Variants in NCAM2 observed in about 807,000 individuals in gnomAD.
NCAM2 encodes the protein neural cell adhesion molecule 2.
In NCAM2, 30 loss-of-function variants were observed where a neutral mutation model predicts 98.1. The ratio of observed to expected loss-of-function variants is 0.31; its 90% CI spans 0.23 to 0.41. The LOEUF is 0.41. NCAM2 is among the 10% of genes least tolerant of loss of function. The pLI is 1.00. For synonymous variants in NCAM2, 368 were observed against 342.4 expected (o/e 1.07, Z -0.83); for missense variants, 867 against 1,005.8 (o/e 0.86, Z 1.87).
At chr21:21,482,227 G>A (rs1445943536) in intron 15 of NCAM2, among the ~76,000 whole-genome samples, 1 of 152,102 alleles carries the variant, frequency 6.6e-6, no homozygotes, top group Non-Finnish European at 1.5e-5. Flanking sequence ...TAGGTTTTGT[G>A]AGGCAATTTT....
At chr21:21,484,633 T>C (rs1351001427) in intron 15 of NCAM2, among the ~76,000 whole-genome samples, 1 of 152,178 alleles carries the variant, frequency 6.6e-6, no homozygotes, top group Non-Finnish European at 1.5e-5. Flanking sequence ...TAGCAAGGCT[T>C]ATCTAAAATT....
intron 5 of NCAM2, among the ~76,000 whole-genome samples, chr21:21,322,838 A>C (rs572737380): frequency 3.3e-5 from 5 of 152,308 alleles, no homozygotes; most frequent in African/African-American, 1.2e-4. Flanking sequence ...CTGTCAAATT[A>C]GTGGTATCTC....
At chr21:21,349,093 A>C (rs1389400640) in intron 8 of NCAM2, among the ~76,000 whole-genome samples, 1 of 152,200 alleles carries the variant, frequency 6.6e-6, no homozygotes, top group Non-Finnish European at 1.5e-5. Context: ...GTGGGATCAC[A>C]TCAAATTAAA....
intron 14 of NCAM2, among the ~76,000 whole-genome samples, chr21:21,471,348 A>G (rs1984418249): frequency 6.6e-6 from 1 of 152,080 alleles, no homozygotes; most frequent in Non-Finnish European, 1.5e-5. Flanking sequence ...CCATGATTGA[A>G]TAAAAAATGA....
In NCAM2 at chr21:21,486,283, A is replaced by G. The variant is rs578149440; in HGVS notation, c.2077+8812A>G. On this transcript the variant is annotated intron_variant, in intron 15 of 17. Transcript: ENST00000400546. Reference sequence around the variant, plus strand: ...CGCGCCACTGCACTCCAGCCTGGGCAACAGAGCGAGACTCCGTCTCAAAAA... The same window carrying G: ...CGCGCCACTGCACTCCAGCCTGGGCGACAGAGCGAGACTCCGTCTCAAAAA... Among the ~76,000 whole-genome samples the G allele has an allele frequency of 7.0e-3, 964 of 138,158 alleles. 8 individuals are homozygous for G. The highest frequency in any genetic ancestry group is 0.024 in the African/African-American group (864 of 36,096). The allele number at this position is 138,158 out of a possible 152,430, so 90.6% of individuals were successfully genotyped here.
rs1452720475 is a variant in NCAM2, at chr21:21,373,864, G to T, written c.1046G>T (p.Ser349Ile). 2.5e-6 allele frequency: 4 copies of T among 1,605,300 alleles called. No individual in the cohort carries two copies. In the African/African-American group the frequency reaches 5.4e-5, roughly 22 times the overall value. ...TTTTTCCTGAATCGATGTAAACAGAGCCTGGACGGCCGTATCGAAGTCAAA... is the reference window on the plus strand; with the variant it reads ...TTTTTCCTGAATCGATGTAAACAGATCCTGGACGGCCGTATCGAAGTCAAA... Reference protein sequence around the residue: ...DGFTFTEGDKSLDGRIEVKGQ... With the variant: ...DGFTFTEGDKILDGRIEVKGQ... Residue 349 changes from serine to isoleucine, a missense_variant and splice_region_variant, in exon 9 of 18, where the codon AGC becomes ATC. Ser to Ile is a moderately radical substitution (Grantham distance 142). Coordinates refer to ENST00000400546, the MANE Select transcript of NCAM2 (RefSeq NM_004540.5).
intron 1 of NCAM2, among the ~76,000 whole-genome samples, chr21:21,170,741 T>C (rs1234973746): frequency 1.3e-5 from 2 of 152,160 alleles, no homozygotes; most frequent in Non-Finnish European, 2.9e-5. Flanking sequence ...GAGTGAACCT[T>C]AATGTAAGCC....
At chr21:21,215,671 T>C (rs2069868753) in intron 1 of NCAM2, among the ~76,000 whole-genome samples, 1 of 152,120 alleles carries the variant, frequency 6.6e-6, no homozygotes, top group Admixed American at 6.6e-5. Context: ...AAGATTGCAG[T>C]GAGCCAAGAT....
chr21:21,470,876 C>A (rs1269412677), intron 14 of NCAM2, among the ~76,000 whole-genome samples: 1 of 151,946 alleles, frequency 6.6e-6, no homozygotes, highest in East Asian at 1.9e-4. Context: ...AATTTAGGCA[C>A]CTATGGCAAA....
rs1226415287 is a variant in NCAM2, at chr21:21,270,271, C to G, written c.56-10307C>G. 2.0e-5 allele frequency among the ~76,000 whole-genome samples: 3 copies of G among 152,234 alleles called. No homozygotes were observed. In the East Asian group the frequency reaches 5.8e-4, roughly 29 times the overall value. ...ATTTTAGTTTTAATTAAATATCACT[C>G]TCAAAGTAAGTGATGAGTGACCTGT... On this transcript the variant is annotated intron_variant, in intron 1 of 17. Coordinates refer to ENST00000400546, the MANE Select transcript of NCAM2 (RefSeq NM_004540.5).
intron 16 of NCAM2, among the ~76,000 whole-genome samples, chr21:21,532,310 A>G (rs1989749797): frequency 1.3e-5 from 2 of 152,054 alleles, no homozygotes; most frequent in Admixed American, 6.6e-5. Context: ...TACAGTTAGT[A>G]TATTATTTGT....
chr21:21,230,644 A>G (rs546877413), intron 1 of NCAM2, among the ~76,000 whole-genome samples: 2 of 151,516 alleles, frequency 1.3e-5, no homozygotes, highest in South Asian at 4.1e-4. Context: ...TTTTGCTGTC[A>G]GTAGGGTGCT....
At chr21:21,450,975 G>C (rs980812505) in intron 12 of NCAM2, among the ~76,000 whole-genome samples, 1 of 151,092 alleles carries the variant, frequency 6.6e-6, no homozygotes, top group African/African-American at 2.4e-5. Context: ...ATATATATAG[G>C]TCCAATATAT....
chr21:21,104,775 T>C (rs1356478832), intron 1 of NCAM2, among the ~76,000 whole-genome samples: 1 of 152,198 alleles, frequency 6.6e-6, no homozygotes, highest in East Asian at 1.9e-4. Context: ...CCAGGATTGA[T>C]TTGCGTGATC....
At chr21:21,467,479 T>G (rs1983871048) in intron 13 of NCAM2, among the ~76,000 whole-genome samples, 1 of 139,466 alleles carries the variant, frequency 7.2e-6, no homozygotes, top group Non-Finnish European at 1.6e-5. Context: ...TATATTATCT[T>G]ACAGAGTATC....
At chr21:21,156,798 T>C (rs2067627529) in intron 1 of NCAM2, among the ~76,000 whole-genome samples, 2 of 152,106 alleles carry the variant, frequency 1.3e-5, no homozygotes, top group South Asian at 4.1e-4. Context: ...AACATAAAGT[T>C]ACAATTACAT....
intron 17 of NCAM2, among the ~76,000 whole-genome samples, chr21:21,536,391 T>C (rs1466553221): frequency 7.3e-6 from 1 of 137,082 alleles, no homozygotes; most frequent in Non-Finnish European, 1.6e-5. Context: ...TACTATTTCT[T>C]TCTTTTTTTT....
At chr21:21,081,649 A>C (rs1461128524) in intron 1 of NCAM2, among the ~76,000 whole-genome samples, 1 of 151,776 alleles carries the variant, frequency 6.6e-6, no homozygotes, top group East Asian at 2.0e-4. Context: ...AAAACTACAA[A>C]ACGTAGCCAG....
At position 21,272,497 on chromosome 21, in the gene NCAM2, T is replaced by C. The variant is rs1259830822; in HGVS notation, c.56-8081T>C. Among the ~76,000 whole-genome samples the C allele has an allele frequency of 6.2e-5, 9 of 145,450 alleles. No individual in the cohort carries two copies. In the South Asian group the frequency reaches 6.5e-4, roughly 11 times the overall value. On this transcript the variant is annotated intron_variant, in intron 1 of 17. Coordinates refer to ENST00000400546, the MANE Select transcript of NCAM2 (RefSeq NM_004540.5). ...AAAAACACGCACACATACACACACATGCGCGCGCGCGCACACACACACACA... is the reference window on the plus strand; with the variant it reads ...AAAAACACGCACACATACACACACACGCGCGCGCGCGCACACACACACACA...
Sources: gnomAD v4.1 joint callset for allele counts (sites outside exome capture counted in the v4.1 genomes callset) on GRCh38, gnomAD v4.1.1 for gene constraint, MANE v1.5 for transcripts, NCBI Gene and HGNC (gene_info 2026-07-23, HGNC 2026-07-21) for gene names.